The following USP9X variants were observed in gnomAD, a reference collection of about 807,000 sequenced individuals.
The protein encoded by USP9X is ubiquitin carboxyl-terminal hydrolase 9X.
USP9X carries 7 observed loss-of-function variants against 190.3 expected under a neutral mutation model. The ratio of observed to expected loss-of-function variants is 0.04; its 90% CI spans 0.02 to 0.07. The LOEUF is 0.07. Ranked by LOEUF, USP9X falls within the 10% of genes least tolerant of loss-of-function variation. USP9X has a pLI of 1.00. For synonymous variants in USP9X, 645 were observed against 659.5 expected (o/e 0.98, Z 0.34); for missense variants, 1,010 against 1,916.9 (o/e 0.53, Z 8.83).
intron 30 of USP9X, among the ~76,000 whole-genome samples, chrX:41,199,304 T>C (rs912938714): frequency 8.8e-6 from 1 of 113,080 alleles, no homozygotes; most frequent in Admixed American, 9.3e-5. Flanking sequence ...GTGTCGCCAT[T>C]TGGCAAGATA....
At chrX:41,156,799 C>G (rs955464049) in intron 14 of USP9X, among the ~76,000 whole-genome samples, 1 of 111,702 alleles carries the variant, frequency 9.0e-6, no homozygotes, top group Admixed American at 9.5e-5. Flanking sequence ...TTCTTTGGAC[C>G]AGACCGTGCT....
chrX:41,106,500 C>T (rs1353196113), intron 1 of USP9X, among the ~76,000 whole-genome samples: 1 of 101,326 alleles, frequency 9.9e-6, no homozygotes. Flanking sequence ...GGTTGTCATA[C>T]TGGAAGTATA....
At chrX:41,100,419 C>T (rs2062025606) in intron 1 of USP9X, among the ~76,000 whole-genome samples, 1 of 111,991 alleles carries the variant, frequency 8.9e-6, no homozygotes, top group African/African-American at 3.2e-5. Context: ...CAAACTAAGG[C>T]AGTTTATCTT....
rs184739162 is a variant in USP9X at position 41,095,496 on chromosome X, T to C, written c.-159+9387T>C. On this transcript the variant is annotated intron_variant, in intron 1 of 44. Coordinates refer to ENST00000378308, the MANE Select transcript of USP9X (RefSeq NM_001039591.3). ...ACCCCACTCATATGTCTTCAGACAT[T>C]GCCAGTTGTGCCCTGGGGGCAAAAT... is the stretch of plus-strand genomic sequence containing the variant. 3.0e-3 allele frequency among the ~76,000 whole-genome samples: 339 copies of C among 112,409 alleles called. 2 individuals carry two copies. Among genetic ancestry groups the C allele is most frequent in the Middle Eastern group, 0.018 (4 of 219 alleles).
At position 41,148,466 on chromosome X, in the gene USP9X, A is replaced by C. The variant is rs1050164; in HGVS notation, c.1517A>C (p.Lys506Thr). ...GATAAAGATGGTGTGATGGCACACA[A>C]AGTGTTGAACCTTCTGTGGAATCTG... ...EDDKDGVMAH[K>T]VLNLLWNLAH... The change falls in exon 12 of 45, where the codon AAA (lysine) becomes ACA (threonine). Residue 506 changes from lysine (K) to threonine (T), a missense_variant. Around this residue, in one of 11 missense-constraint regions of USP9X, gnomAD observed 39 missense variants for 132.4 expected, o/e 0.29. Transcript: ENST00000378308. The C allele has an allele frequency of 8.3e-7, 1 of 1,210,204 alleles. No individual in the cohort carries two copies. The highest frequency in any genetic ancestry group is 1.7e-5 in the African/African-American group (1 of 57,160).
chrX:41,164,648 CTT>C (rs2062663377), intron 15 of USP9X, among the ~76,000 whole-genome samples: 1 of 112,171 alleles, frequency 8.9e-6, no homozygotes, highest in African/African-American at 3.2e-5. Flanking sequence ...GTGCCAGACA[CTT>C]TATATTTACT....
rs1393631853 is a variant in USP9X, at chrX:41,214,578, G to C, written c.5200G>C (p.Glu1734Gln). The C allele has an allele frequency of 1.7e-6, 2 of 1,171,315 alleles. No homozygotes were observed. The highest frequency in any genetic ancestry group is 3.6e-5 in the African/African-American group (2 of 54,797). ...TTAAATCGTTTTTAGGTACGAATGT[G>C]AAGAATCTTTTACGACCCTAAACGT... ...CQGCPHRYEC[E>Q]ESFTTLNVDI... The change falls in exon 34 of 45, where the codon GAA becomes CAA. Residue 1734 changes from glutamate to glutamine, a missense_variant. Transcript: ENST00000378308.
In USP9X at chrX:41,148,423, C is replaced by G; in HGVS notation, c.1474C>G (p.Arg492Gly). ...ACGTGAAAAGCTACTTGAGCTGATA[C>G]GTCGTCTTGCAGAAGATGATAAAGA... ...KQREKLLELI[R>G]RLAEDDKDGV... is the part of the protein sequence containing the mutation. Residue 492 changes from arginine to glycine, a missense_variant, in exon 12 of 45, where the codon CGT (arginine) becomes GGT (glycine). Arg to Gly is a moderately radical substitution (Grantham distance 125). This residue lies in a region of USP9X where 39 missense variants were observed against 132.4 expected (regional missense o/e 0.29). Coordinates refer to ENST00000378308, the MANE Select transcript of USP9X (RefSeq NM_001039591.3). The G allele has an allele frequency of 8.3e-7, 1 of 1,211,521 alleles. No individual in the cohort carries two copies. Among genetic ancestry groups the G allele is most frequent in the Non-Finnish European group, 1.1e-6 (1 of 895,492 alleles).
intron 5 of USP9X, among the ~76,000 whole-genome samples, chrX:41,135,221 A>G (rs1048489198): frequency 6.3e-5 from 7 of 111,289 alleles, no homozygotes; most frequent in African/African-American, 2.3e-4. Context: ...CCAAAGGGTC[A>G]GTATAGAGGT....
chrX:41,171,226 G>A (rs909369136), intron 20 of USP9X, among the ~76,000 whole-genome samples: 7 of 111,545 alleles, frequency 6.3e-5, no homozygotes, highest in African/African-American at 2.3e-4. Context: ...TCCAGCTACT[G>A]GGGAGGCTGT....
chrX:41,169,906 T>C, intron 18 of USP9X, 89 bp from the exon 19 acceptor site: 2 of 1,033,559 alleles, frequency 1.9e-6, no homozygotes, highest in Non-Finnish European at 2.7e-6. Flanking sequence ...AGAAAATACT[T>C]AGTGTTAAAT....
At chrX:41,160,024 T>A (rs2062615408) in intron 14 of USP9X, among the ~76,000 whole-genome samples, 1 of 101,153 alleles carries the variant, frequency 9.9e-6, no homozygotes, top group Non-Finnish European at 2.0e-5. Context: ...GTTTTTTTTT[T>A]AAATGAACTT....
At chrX:41,222,372 T>TTTC (rs1418455515) in intron 38 of USP9X, among the ~76,000 whole-genome samples, 1 of 99,241 alleles carries the variant, frequency 1.0e-5, no homozygotes, top group Non-Finnish European at 2.1e-5. Context: ...GTTTGAGAAC[T>TTTC]GCTCCTTAGC....
intron 32 of USP9X, among the ~76,000 whole-genome samples, chrX:41,209,231 A>G (rs2063136689): frequency 8.9e-6 from 1 of 111,779 alleles, no homozygotes; most frequent in African/African-American, 3.3e-5. Context: ...CTCTATCCCA[A>G]TCTGATACTC....
At chrX:41,227,446 A>G (rs1417074692) in intron 41 of USP9X, among the ~76,000 whole-genome samples, 1 of 112,269 alleles carries the variant, frequency 8.9e-6, no homozygotes, top group Non-Finnish European at 1.9e-5. Flanking sequence ...TAAGCTTTGC[A>G]AAATTGTTGA....
intron 10 of USP9X, 63 bp downstream of exon 10, chrX:41,143,506 T>TA (rs2062439785): frequency 9.9e-7 from 1 of 1,006,604 alleles, no homozygotes; most frequent in Non-Finnish European, 1.3e-6. Context: ...ACTGAAGAAA[T>TA]ACAGTAGCTG....
intron 1 of USP9X, among the ~76,000 whole-genome samples, chrX:41,117,473 C>G (rs1569154913): frequency 9.0e-6 from 1 of 110,546 alleles, no homozygotes; most frequent in Non-Finnish European, 1.9e-5. Context: ...TCTCCAAATG[C>G]TAAAAGAACT....
rs2411379 is a variant in USP9X, at chrX:41,172,166, G to T, written c.3148+208G>T. 0.13 allele frequency among the ~76,000 whole-genome samples: 14,631 copies of T among 110,755 alleles called. 876 individuals are homozygous for T. The highest frequency in any genetic ancestry group is 0.22 in the East Asian group (762 of 3,539). On this transcript the variant is annotated intron_variant, in intron 21 of 44. Transcript: ENST00000378308. The stretch of plus-strand genomic sequence containing the variant: ...GTGGCTACAAAAAAAAAATCTAGAA[G>T]AATAATATTTTGTGATACATGAAAA...
chrX:41,138,412 A>T (rs1350092896), intron 6 of USP9X, among the ~76,000 whole-genome samples: 1 of 112,384 alleles, frequency 8.9e-6, no homozygotes, highest in South Asian at 3.6e-4. Flanking sequence ...TAAACTTTCT[A>T]AGCTGTAGAT....
Sources: allele counts gnomAD v4.1 joint callset (sites outside exome capture counted in the v4.1 genomes callset), GRCh38; gene constraint gnomAD v4.1.1; regional missense constraint gnomAD v4.1.1; transcripts MANE v1.5; gene names NCBI Gene and HGNC (gene_info 2026-07-23, HGNC 2026-07-21).